Variants in C7 observed in about 807,000 individuals in gnomAD.
C7 encodes the protein complement component C7.
In C7, 83 loss-of-function variants were observed where a neutral mutation model predicts 104.8. The ratio of observed to expected loss-of-function variants is 0.79; its 90% CI spans 0.66 to 0.95. C7 has a LOEUF of 0.95. Among genes scored for constraint, C7 ranks in the 40% least tolerant of loss-of-function variants. C7 has a pLI of 0.00. For synonymous variants in C7, 415 were observed against 360.6 expected (o/e 1.15, Z -1.71); for missense variants, 1,070 against 1,011.2 (o/e 1.06, Z -0.79).
At chr5:40,915,857 TAAG>T (rs2111611466) in intron 1 of C7, among the ~76,000 whole-genome samples, 1 of 152,314 alleles carries the variant, frequency 6.6e-6, no homozygotes, top group African/African-American at 2.4e-5. Flanking sequence ...ATGGGTTATC[TAAG>T]AAGGATAGTG....
intron 1 of C7, among the ~76,000 whole-genome samples, chr5:40,927,870 C>G (rs893040490): frequency 3.3e-5 from 5 of 152,004 alleles, no homozygotes; most frequent in Non-Finnish European, 5.9e-5. Flanking sequence ...TAGTACAGCT[C>G]TTATAGAAAA....
In C7 at chr5:40,944,124, CCTCTGTTCCTTATGCTTGGAT is replaced by C. The variant is rs534693471; in HGVS notation, c.568-1070_568-1050del. 6.6e-5 allele frequency among the ~76,000 whole-genome samples: 10 copies of C among 152,230 alleles called. No individual in the cohort carries two copies. The South Asian group carries it at 2.1e-3, about 32-fold the overall frequency. On this transcript the variant is annotated intron_variant, in intron 6 of 17. Coordinates refer to ENST00000313164, the MANE Select transcript of C7 (RefSeq NM_000587.4). ...TATATCATTTCCATCAGTTCAATTTCCTCTGTTCCTTATGCTTGGATCTCAAACGCAGATGTGTATGTATAT... is the reference window on the plus strand; with the variant it reads ...TATATCATTTCCATCAGTTCAATTTCCTCAAACGCAGATGTGTATGTATAT...
At chr5:40,918,379 C>CACA (rs903337031) in intron 1 of C7, among the ~76,000 whole-genome samples, 1 of 151,654 alleles carries the variant, frequency 6.6e-6, no homozygotes, top group Non-Finnish European at 1.5e-5. Context: ...TCTACAATAC[C>CACA]ACAACAACAA....
intron 1 of C7, among the ~76,000 whole-genome samples, chr5:40,910,430 G>T (rs1262112867): frequency 6.6e-6 from 1 of 152,040 alleles, no homozygotes; most frequent in Non-Finnish European, 1.5e-5. Context: ...TCACTGTATT[G>T]TCCATTGGGG....
At position 40,964,807 on chromosome 5, in the gene C7, A is replaced by G. The variant is rs571577993; in HGVS notation, c.1816A>G (p.Ile606Val). Residue 606 changes from isoleucine (I) to valine (V), a missense_variant, in exon 14 of 18, where the codon ATT becomes GTT. Transcript: ENST00000313164. ...VYTCNEGYSLIGNPVARCGED... is the reference protein window; with the variant it reads ...VYTCNEGYSLVGNPVARCGED... ...CACTTGCAATGAAGGATACTCTCTT[A>G]TTGGAAACCCAGTGGCCAGATGTGG... is the stretch of plus-strand genomic sequence containing the variant. 20 of 1,613,578 alleles carry G rather than the reference A, an allele frequency of 1.2e-5. No individual in the cohort carries two copies. The Middle Eastern group carries it at 1.3e-3, about 106-fold the overall frequency.
intron 14 of C7, 69 bp from the exon 15 acceptor site, chr5:40,972,334 A>T: frequency 7.6e-7 from 1 of 1,318,872 alleles, no homozygotes; most frequent in South Asian, 1.2e-5. Context: ...TCTGCATCAC[A>T]TAAGACTTTT....
rs569813280 is a variant in C7, at chr5:40,959,550, G to T, written c.1591G>T (p.Gly531Cys). The T allele has an allele frequency of 1.2e-5, 20 of 1,610,736 alleles. No homozygotes were observed. The African/African-American group carries it at 2.7e-4, about 21-fold the overall frequency. ...RECNNPPPSG[G>C]GRSCVGETTE... ...ATGCAATAACCCACCTCCCAGTGGG[G>T]GTGGGAGATCCTGCGTTGGAGAAAC... Residue 531 changes from glycine to cysteine, a missense_variant, in exon 12 of 18, where the codon GGT becomes TGT. Transcript: ENST00000313164.
At position 40,968,586 on chromosome 5, in the gene C7, ATATATATATATATATTTTTTTTTTTTTT is replaced by A. The variant is rs1416939034; in HGVS notation, c.1882+3715_1882+3742del. Among the ~76,000 whole-genome samples, 456 of 76,456 alleles carry A rather than the reference ATATATATATATATATTTTTTTTTTTTTT, an allele frequency of 6.0e-3. 6 individuals carry two copies. The highest frequency in any genetic ancestry group is 0.015 in the African/African-American group (298 of 20,116). 50.2% of individuals were successfully genotyped at this position (76,456 alleles called of 152,430 possible). On this transcript the variant is annotated intron_variant, in intron 14 of 17. Transcript: ENST00000313164. The stretch of plus-strand genomic sequence containing the variant: ...ATATATTTTATATATATATATATAT[ATATATATATATATATTTTTTTTTTTTTT>A]TTTTTTTTTTTTTTTGAGACAGATT...
chr5:40,967,342 G>A (rs67313812), intron 14 of C7, among the ~76,000 whole-genome samples: 36,091 of 152,112 alleles, frequency 0.24, 4,382 homozygotes, highest in South Asian at 0.4. Context: ...GAGATTACAG[G>A]CATGAGCCAC....
At chr5:40,933,055 A>G (rs1277777914) in intron 3 of C7, among the ~76,000 whole-genome samples, 1 of 152,180 alleles carries the variant, frequency 6.6e-6, no homozygotes, top group Non-Finnish European at 1.5e-5. Flanking sequence ...CATGAGCGGT[A>G]TCTTCATCAC....
At chr5:40,968,040 A>G (rs1310118777) in intron 14 of C7, among the ~76,000 whole-genome samples, 5 of 151,948 alleles carry the variant, frequency 3.3e-5, no homozygotes, top group Non-Finnish European at 7.4e-5. Flanking sequence ...GACACAAATT[A>G]TACATTTTTT....
At chr5:40,954,970 A>G (rs140802893) in intron 9 of C7, 202 of 238,758 alleles carry the variant, frequency 8.5e-4, no homozygotes, top group African/African-American at 4.5e-3. Flanking sequence ...TCACAGCACA[A>G]TTGAGTGCAA....
At chr5:40,936,138 G>T (rs1209623390) in intron 4 of C7, among the ~76,000 whole-genome samples, 200 bp from the exon 5 acceptor site, 1 of 152,102 alleles carries the variant, frequency 6.6e-6, no homozygotes, top group African/African-American at 2.4e-5. Flanking sequence ...GTCTGATTGA[G>T]TTAAGAACCA....
At chr5:40,951,234 G>A (rs2111641853) in intron 9 of C7, among the ~76,000 whole-genome samples, 1 of 150,532 alleles carries the variant, frequency 6.6e-6, no homozygotes, top group South Asian at 2.1e-4. Flanking sequence ...TTTTTTACTT[G>A]TTAAGTTAAG....
At chr5:40,979,596 CTTT>C (rs35148902) in intron 16 of C7, 126 bp from the exon 17 acceptor site, 4,830 of 504,936 alleles carry the variant, frequency 9.6e-3, no homozygotes, top group South Asian at 0.022. Flanking sequence ...GAGTTTCCAC[CTTT>C]TTTTTTTTTT....
intron 16 of C7, 26 bp downstream of exon 16, chr5:40,976,866 C>G (rs189728382): frequency 1.4e-5 from 21 of 1,516,418 alleles, no homozygotes; most frequent in Non-Finnish European, 1.8e-5. Flanking sequence ...GCTCATTTCT[C>G]TGTTTTATTT....
At chr5:40,977,208 G>A (rs1293056197) in intron 16 of C7, among the ~76,000 whole-genome samples, 1 of 152,168 alleles carries the variant, frequency 6.6e-6, no homozygotes, top group Non-Finnish European at 1.5e-5. Context: ...ATACTGATAG[G>A]GAAACAGCAG....
intron 15 of C7, among the ~76,000 whole-genome samples, chr5:40,973,365 G>T (rs919159183): frequency 6.6e-6 from 1 of 152,192 alleles, no homozygotes; most frequent in Non-Finnish European, 1.5e-5. Context: ...ACTATTTTAT[G>T]TGATATTATC....
intron 14 of C7, among the ~76,000 whole-genome samples, chr5:40,967,168 C>A (rs192933775): frequency 6.6e-6 from 1 of 151,316 alleles, no homozygotes; most frequent in Non-Finnish European, 1.5e-5. Flanking sequence ...TGGGTTCAAG[C>A]GATTCTCCTA....
Sources: gnomAD v4.1 joint callset for allele counts (sites outside exome capture counted in the v4.1 genomes callset) on GRCh38, gnomAD v4.1.1 for gene constraint, MANE v1.5 for transcripts, NCBI Gene and HGNC (gene_info 2026-07-23, HGNC 2026-07-21) for gene names.